Variants in GRM7 observed in about 807,000 individuals in gnomAD.
GRM7 encodes the protein glutamate metabotropic receptor 7, also known as metabotropic glutamate receptor 7.
GRM7 carries 35 observed loss-of-function variants against 84.5 expected under a neutral mutation model. That is an observed-to-expected ratio of 0.41 (90% CI 0.32 to 0.55). The LOEUF (loss-of-function observed/expected upper bound fraction) is 0.55, where lower values mean the gene tolerates loss of function less well. Ranked by LOEUF, GRM7 falls within the 20% of genes least tolerant of loss-of-function variation. The pLI is 0.19. For synonymous variants in GRM7, 487 were observed against 455.1 expected, an observed-to-expected ratio of 1.07 and a Z score of -0.89; for missense variants, 1,003 against 1,194.6, an observed-to-expected ratio of 0.84 and a Z score of 2.36.
At chr3:7,168,207 C>G (rs902602907) in intron 2 of GRM7, among the ~76,000 whole-genome samples, 2 of 152,012 alleles carry the variant, frequency 1.3e-5, no homozygotes, top group Non-Finnish European at 2.9e-5. Context: ...AGCACAGTGC[C>G]TGGTACTTTG....
At position 7,733,991 on chromosome 3, in the gene GRM7, G is replaced by C. The variant is rs537672087; in HGVS notation, c.2699-6366G>C. Reference sequence around the variant, plus strand: ...AAAATATCTTTAAGCACTCATCACAGATATGTAATAGTTTTTTTGCATTAT... The same window carrying C: ...AAAATATCTTTAAGCACTCATCACACATATGTAATAGTTTTTTTGCATTAT... On this transcript the variant is annotated intron_variant, in intron 9 of 9. Transcript: ENST00000357716. 2.7e-3 allele frequency among the ~76,000 whole-genome samples: 408 copies of C among 152,242 alleles called. 3 individuals are homozygous for C. The highest frequency in any genetic ancestry group is 5.1e-3 in the Non-Finnish European group (350 of 68,024).
intron 7 of GRM7, among the ~76,000 whole-genome samples, chr3:7,550,233 T>C (rs1250240086): frequency 6.6e-6 from 1 of 151,334 alleles, no homozygotes. Context: ...TCCAAACTCA[T>C]TTCTAGCCAC....
intron 1 of GRM7, among the ~76,000 whole-genome samples, chr3:6,933,636 C>G (rs1291623003): frequency 1.3e-5 from 2 of 151,872 alleles, no homozygotes; most frequent in Non-Finnish European, 2.9e-5. Flanking sequence ...CAAATCAGAA[C>G]TTTTAAGTCC....
At chr3:7,182,960 A>C (rs974196204) in intron 2 of GRM7, among the ~76,000 whole-genome samples, 2 of 146,878 alleles carry the variant, frequency 1.4e-5, no homozygotes, top group African/African-American at 5.0e-5. Flanking sequence ...GTTTTTGAGC[A>C]GACTATACTC....
At chr3:7,615,506 A>T (rs1182194165) in intron 8 of GRM7, among the ~76,000 whole-genome samples, 1 of 152,148 alleles carries the variant, frequency 6.6e-6, no homozygotes, top group Non-Finnish European at 1.5e-5. Flanking sequence ...AATACCTTAT[A>T]AAATAGGTTA....
At chr3:6,920,537 C>T (rs958098439) in intron 1 of GRM7, among the ~76,000 whole-genome samples, 19 of 141,560 alleles carry the variant, frequency 1.3e-4, no homozygotes, top group African/African-American at 5.1e-4. Context: ...GCCTGGGCAA[C>T]AGAGTGAGAC....
intron 1 of GRM7, among the ~76,000 whole-genome samples, chr3:7,038,268 C>T (rs1696454298): frequency 2.0e-5 from 3 of 152,160 alleles, no homozygotes; most frequent in Non-Finnish European, 4.4e-5. Context: ...CTACAGCTAA[C>T]CAAGAAGGGA....
intron 1 of GRM7, among the ~76,000 whole-genome samples, chr3:6,920,223 C>G (rs1436869390): frequency 6.6e-6 from 1 of 151,904 alleles, no homozygotes; most frequent in Non-Finnish European, 1.5e-5. Context: ...AGTGACATAG[C>G]AATAATAAAT....
In GRM7 at chr3:7,460,128, A is replaced by C. The variant is rs200772460; in HGVS notation, c.1376-1455A>C. ...AAAAAAAAAAAAAAAAAAAAAAAAAAAGATGCCAAACCTTGAGGAAGCAGC... is the reference window on the plus strand; with the variant it reads ...AAAAAAAAAAAAAAAAAAAAAAAAACAGATGCCAAACCTTGAGGAAGCAGC... On this transcript the variant is annotated intron_variant, in intron 6 of 9. Transcript: ENST00000357716. Among the ~76,000 whole-genome samples the C allele has an allele frequency of 4.2e-3, 568 of 134,168 alleles. 5 individuals are homozygous for C. The highest frequency in any genetic ancestry group is 0.017 in the South Asian group (72 of 4,226). 88.0% of individuals were successfully genotyped at this position (134,168 alleles called of 152,430 possible). A position where few individuals can be genotyped will look rare whatever the true frequency, so the allele number is the denominator to read the frequency against.
intron 1 of GRM7, among the ~76,000 whole-genome samples, chr3:7,094,298 C>A (rs143553127): frequency 7.2e-5 from 11 of 151,914 alleles, no homozygotes; most frequent in African/African-American, 2.2e-4. Context: ...TACATCCAAC[C>A]GACATAATTG....
In GRM7 at chr3:6,902,803, G is replaced by C. The variant is rs13317679; in HGVS notation, c.519+40896G>C. Among the ~76,000 whole-genome samples the C allele has an allele frequency of 2.4e-3, 370 of 151,320 alleles. 4 individuals carry two copies. The highest frequency in any genetic ancestry group is 8.2e-3 in the African/African-American group (338 of 41,240). On this transcript the variant is annotated intron_variant, in intron 1 of 9. Coordinates refer to ENST00000357716, the MANE Select transcript of GRM7 (RefSeq NM_000844.4). ...GTCGTTAAGAGTGTAGTAAGGTATA[G>C]TATGTACCCTTGAGTTTATTAAACA...
intron 1 of GRM7, among the ~76,000 whole-genome samples, chr3:7,126,319 A>G (rs1431380746): frequency 6.6e-6 from 1 of 152,204 alleles, no homozygotes; most frequent in African/African-American, 2.4e-5. Context: ...CTGCACAGAA[A>G]CACTGACTTG....
At chr3:7,126,891 T>A (rs1184074317) in intron 1 of GRM7, among the ~76,000 whole-genome samples, 12 of 152,218 alleles carry the variant, frequency 7.9e-5, no homozygotes, top group Non-Finnish European at 5.9e-5. Context: ...TGTTAAGAAA[T>A]CATTTGGACA....
intron 8 of GRM7, among the ~76,000 whole-genome samples, chr3:7,622,118 G>T (rs115454694): frequency 2.0e-5 from 3 of 152,108 alleles, no homozygotes; most frequent in Non-Finnish European, 2.9e-5. Flanking sequence ...TACCCAAATC[G>T]CCATTCCAGG....
intron 8 of GRM7, among the ~76,000 whole-genome samples, chr3:7,588,376 G>C (rs543594252): frequency 6.6e-6 from 1 of 152,266 alleles, no homozygotes; most frequent in South Asian, 2.1e-4. Flanking sequence ...ACATTTGGTT[G>C]CTCTCTACCC....
intron 8 of GRM7, among the ~76,000 whole-genome samples, chr3:7,587,225 C>T (rs1480277074): frequency 1.3e-5 from 2 of 152,136 alleles, no homozygotes; most frequent in Non-Finnish European, 2.9e-5. Context: ...GAAATGTAAT[C>T]ATTAAGCGGC....
In GRM7 at chr3:6,921,547, G is replaced by A. The variant is rs567893994; in HGVS notation, c.519+59640G>A. ...TTTATCCTAAGGCTCAGGATGCCCAGCCTCATATAAACTGATTTAACAACA... is the reference window on the plus strand; with the variant it reads ...TTTATCCTAAGGCTCAGGATGCCCAACCTCATATAAACTGATTTAACAACA... On this transcript the variant is annotated intron_variant, in intron 1 of 9. Transcript: ENST00000357716. 3.9e-5 allele frequency among the ~76,000 whole-genome samples: 6 copies of A among 152,092 alleles called. No homozygotes were observed. The South Asian group carries it at 8.3e-4, about 21-fold the overall frequency.
chr3:7,422,232 A>G (rs2124829852), intron 5 of GRM7, among the ~76,000 whole-genome samples: 1 of 152,304 alleles, frequency 6.6e-6, no homozygotes, highest in South Asian at 2.1e-4. Flanking sequence ...TTCTGACACA[A>G]CTACTCTGTT....
At chr3:7,031,846 C>G (rs959701736) in intron 1 of GRM7, among the ~76,000 whole-genome samples, 1 of 152,000 alleles carries the variant, frequency 6.6e-6, no homozygotes, top group Non-Finnish European at 1.5e-5. Context: ...CACAAACAGG[C>G]ATGTAGTAAA....
Sources: gnomAD v4.1 joint callset for allele counts (sites outside exome capture counted in the v4.1 genomes callset) on GRCh38, gnomAD v4.1.1 for gene constraint, MANE v1.5 for transcripts, NCBI Gene and HGNC (gene_info 2026-07-23, HGNC 2026-07-21) for gene names.